The following DAPK1 variants were observed in gnomAD, a reference collection of about 807,000 sequenced individuals.
DAPK1 encodes the protein death associated protein kinase 1, also known as death-associated protein kinase 1.
In DAPK1, 56 loss-of-function variants were observed where a neutral mutation model predicts 144.9. The observed-to-expected ratio is 0.39, with a 90% CI of 0.31 to 0.48. DAPK1 has a LOEUF of 0.48. DAPK1 is among the 20% of genes least tolerant of loss of function. The probability of loss-of-function intolerance (pLI) is 0.95; values close to 1 mark genes in which losing one functional copy is unlikely to be tolerated. For synonymous variants in DAPK1, 690 were observed against 749.0 expected (o/e 0.92, Z 1.29); for missense variants, 1,454 against 1,875.4 (o/e 0.78, Z 4.15).
At chr9:87,623,299 T>C (rs79555014) in intron 3 of DAPK1, among the ~76,000 whole-genome samples, 1 of 152,184 alleles carries the variant, frequency 6.6e-6, no homozygotes, top group African/African-American at 2.4e-5. Flanking sequence ...ATGAAAGTGA[T>C]TACATTAAAA....
chr9:87,562,370 A>G (rs1008099232), intron 2 of DAPK1, among the ~76,000 whole-genome samples: 1 of 152,180 alleles, frequency 6.6e-6, no homozygotes, highest in Non-Finnish European at 1.5e-5. Context: ...GGAAAGTTGC[A>G]ATCACATTGG....
At chr9:87,643,347 C>CCT (rs1554695944) in intron 10 of DAPK1, 29 bp from the exon 11 acceptor site, 6 of 1,001,878 alleles carry the variant, frequency 6.0e-6, no homozygotes, top group South Asian at 1.7e-5. Context: ...CCCGCCCTCC[C>CCT]TTTTTTTTTT....
intron 15 of DAPK1, 132 bp downstream of exon 15, chr9:87,649,011 C>G: frequency 1.3e-6 from 1 of 762,288 alleles, no homozygotes; most frequent in Non-Finnish European, 2.2e-6. Context: ...GGGCAAGGCT[C>G]AAGGGGCAGG....
At chr9:87,533,081 T>A (rs1587694011) in intron 2 of DAPK1, among the ~76,000 whole-genome samples, 1 of 152,200 alleles carries the variant, frequency 6.6e-6, no homozygotes, top group Non-Finnish European at 1.5e-5. Flanking sequence ...AATGATATAA[T>A]GTAATTAAGG....
chr9:87,553,807 T>G (rs1826592281), intron 2 of DAPK1: 1 of 152,240 alleles, frequency 6.6e-6, no homozygotes, highest in South Asian at 2.1e-4. Context: ...CAATATTTAT[T>G]TTCAATATTC....
At chr9:87,566,316 C>T (rs576385765) in intron 2 of DAPK1, among the ~76,000 whole-genome samples, 4 of 152,210 alleles carry the variant, frequency 2.6e-5, no homozygotes, top group South Asian at 2.1e-4. Context: ...CCACTGTACC[C>T]GGCCCTCAGC....
chr9:87,617,876 C>T (rs1176304792), intron 3 of DAPK1, among the ~76,000 whole-genome samples: 3 of 152,222 alleles, frequency 2.0e-5, no homozygotes, highest in Non-Finnish European at 4.4e-5. Flanking sequence ...TCCATGGCAT[C>T]TGCATCTTCC....
At chr9:87,516,276 A>G (rs1825050935) in intron 2 of DAPK1, among the ~76,000 whole-genome samples, 2 of 151,894 alleles carry the variant, frequency 1.3e-5, no homozygotes, top group African/African-American at 4.8e-5. Flanking sequence ...CAGCATCCAT[A>G]CTGTTGGGGC....
upstream of DAPK1, among the ~76,000 whole-genome samples, chr9:87,497,488 C>T (rs1482248171): frequency 6.6e-6 from 1 of 152,224 alleles, no homozygotes; most frequent in African/African-American, 2.4e-5. Context: ...TTTCCCATAC[C>T]AAGCACCGTG....
At position 87,708,299 on chromosome 9, in the gene DAPK1, T is replaced by A. The variant is rs915436303; in HGVS notation, c.*935T>A. The A allele has an allele frequency of 1.3e-5, 2 of 154,144 alleles. No individual in the cohort carries two copies. The highest frequency in any genetic ancestry group is 4.8e-5 in the African/African-American group (2 of 41,466). 9.5% of individuals were successfully genotyped at this position (154,144 alleles called of 1,614,324 possible). ...ACCCCTGACTCATCATTTGTGGCAGTCCCTTATAATTGGTGCATAGCAGAT... is the reference window on the plus strand; with the variant it reads ...ACCCCTGACTCATCATTTGTGGCAGACCCTTATAATTGGTGCATAGCAGAT... On this transcript the variant is annotated 3_prime_UTR_variant, in exon 26 of 26. Transcript: ENST00000408954.
intron 2 of DAPK1, among the ~76,000 whole-genome samples, chr9:87,602,992 T>C (rs1049530204): frequency 6.6e-6 from 1 of 151,874 alleles, no homozygotes; most frequent in African/African-American, 2.4e-5. Context: ...TTGAAACTAC[T>C]GAGTGTGCCT....
At chr9:87,675,429 GAGCT>G (rs1824327901) in intron 19 of DAPK1, among the ~76,000 whole-genome samples, 2 of 152,064 alleles carry the variant, frequency 1.3e-5, no homozygotes, top group African/African-American at 4.8e-5. Flanking sequence ...AGGGTTGGAG[GAGCT>G]CAAGCATAAA....
intron 3 of DAPK1, among the ~76,000 whole-genome samples, chr9:87,637,336 C>T (rs1254424443): frequency 6.6e-6 from 1 of 152,092 alleles, no homozygotes; most frequent in Non-Finnish European, 1.5e-5. Flanking sequence ...TTGTGATCCG[C>T]CCGCCTCAGC....
At chr9:87,625,002 G>A (rs373637614) in intron 3 of DAPK1, among the ~76,000 whole-genome samples, 7 of 152,042 alleles carry the variant, frequency 4.6e-5, no homozygotes, top group African/African-American at 1.2e-4. Flanking sequence ...CGGTGGTCCC[G>A]AGACCATCAC....
chr9:87,513,340 G>A (rs1015144277), intron 2 of DAPK1, among the ~76,000 whole-genome samples: 1 of 152,238 alleles, frequency 6.6e-6, no homozygotes, highest in Non-Finnish European at 1.5e-5. Context: ...TAAATAGGAA[G>A]TGAGATGAAG....
chr9:87,625,220 G>A (rs896261414), intron 3 of DAPK1, among the ~76,000 whole-genome samples: 2 of 150,654 alleles, frequency 1.3e-5, no homozygotes, highest in Admixed American at 6.6e-5. Context: ...ATCTCGGGTC[G>A]CTATAGGAAT....
At chr9:87,521,500 A>G (rs959141667) in intron 2 of DAPK1, among the ~76,000 whole-genome samples, 1 of 152,330 alleles carries the variant, frequency 6.6e-6, no homozygotes, top group Admixed American at 6.5e-5. Flanking sequence ...GACAAGGTCC[A>G]GGGTGGGCAT....
At chr9:87,697,829 C>T (rs1280444287) in intron 22 of DAPK1, among the ~76,000 whole-genome samples, 1 of 152,152 alleles carries the variant, frequency 6.6e-6, no homozygotes, top group Non-Finnish European at 1.5e-5. Context: ...TGGCATGTGC[C>T]TGTAGTCCCA....
At chr9:87,506,924 T>C (rs975647042) in intron 2 of DAPK1, 2 of 152,234 alleles carry the variant, frequency 1.3e-5, no homozygotes, top group African/African-American at 4.8e-5. Flanking sequence ...ATTAAATCTT[T>C]CTTAGGTAAG....
Sources: gnomAD v4.1 joint callset for allele counts (sites outside exome capture counted in the v4.1 genomes callset) on GRCh38, gnomAD v4.1.1 for gene constraint, MANE v1.5 for transcripts, NCBI Gene and HGNC (gene_info 2026-07-23, HGNC 2026-07-21) for gene names.